Variants in PTPRQ observed in about 807,000 individuals in gnomAD.
PTPRQ encodes protein tyrosine phosphatase receptor type Q, also known as phosphatidylinositol phosphatase PTPRQ.
PTPRQ carries 199 observed loss-of-function variants against 246.0 expected under a neutral mutation model. The observed-to-expected ratio is 0.81, with a 90% CI of 0.72 to 0.91. The LOEUF (loss-of-function observed/expected upper bound fraction) is 0.91, where lower values mean the gene tolerates loss of function less well. Among genes scored for constraint, PTPRQ ranks in the 40% least tolerant of loss-of-function variants. PTPRQ has a pLI of 0.00. For synonymous variants in PTPRQ, 869 were observed against 853.2 expected (o/e 1.02, Z -0.32); for missense variants, 2,624 against 2,528.4 (o/e 1.04, Z -0.81).
chr12:80,477,288 C>A (rs1446042213), intron 8 of PTPRQ, among the ~76,000 whole-genome samples: 1 of 152,088 alleles, frequency 6.6e-6, no homozygotes, highest in African/African-American at 2.4e-5. Context: ...ATTTAACTTA[C>A]CAACTATATT....
At position 80,613,739 on chromosome 12, in the gene PTPRQ, C is replaced by T. The variant is rs1243340940; in HGVS notation, c.5066C>T (p.Ala1689Val). The T allele has an allele frequency of 6.5e-7, 1 of 1,545,864 alleles. No homozygotes were observed. The highest frequency in any genetic ancestry group is 8.7e-7 in the Non-Finnish European group (1 of 1,143,184). Residue 1689 changes from alanine (A) to valine (V), a missense_variant, in exon 29 of 45, where the codon GCT becomes GTT. Ala to Val is a moderately conservative substitution (Grantham distance 64). Transcript: ENST00000644991. ...GTTTACCGAGAAGATGATCCTACTG[C>T]TGTCCAGATTCACAACCTCAGTATT... ...ALVYREDDPT[A>V]VQIHNLSIIQ...
intron 26 of PTPRQ, among the ~76,000 whole-genome samples, chr12:80,602,549 G>C (rs997546232): frequency 6.6e-6 from 1 of 151,708 alleles, no homozygotes; most frequent in Non-Finnish European, 1.5e-5. Context: ...GGAGGAACGC[G>C]TGTCCTCACA....
intron 6 of PTPRQ, among the ~76,000 whole-genome samples, chr12:80,466,567 G>A (rs1893424025): frequency 2.0e-5 from 3 of 152,154 alleles, no homozygotes; most frequent in Non-Finnish European, 2.9e-5. Context: ...TAAGCCAAAA[G>A]AACAAAGCTG....
intron 30 of PTPRQ, among the ~76,000 whole-genome samples, chr12:80,617,324 A>G (rs1898800546): frequency 6.6e-6 from 1 of 151,434 alleles, no homozygotes; most frequent in Non-Finnish European, 1.5e-5. Context: ...ATTCACTGTT[A>G]GATGAAACTG....
chr12:80,606,316 T>C (rs568788246), intron 27 of PTPRQ, among the ~76,000 whole-genome samples: 1 of 151,112 alleles, frequency 6.6e-6, no homozygotes, highest in African/African-American at 2.4e-5. Flanking sequence ...AGATTCACTA[T>C]GGAATGTGCA....
At chr12:80,469,330 T>C (rs1028435982) in intron 7 of PTPRQ, among the ~76,000 whole-genome samples, 2 of 152,122 alleles carry the variant, frequency 1.3e-5, no homozygotes, top group African/African-American at 4.8e-5. Context: ...CCTATTAAAA[T>C]TTTTGGGCAG....
intron 25 of PTPRQ, among the ~76,000 whole-genome samples, chr12:80,576,955 A>G (rs372897398): frequency 1.3e-5 from 2 of 152,036 alleles, no homozygotes; most frequent in Non-Finnish European, 2.9e-5. Flanking sequence ...TTTCTTCGTC[A>G]CTCTCAATGG....
rs1898924512 is a variant in PTPRQ, at chr12:80,620,163, A to T, written c.5399A>T (p.Asp1800Val). ...TTGTTTCTGAAAACAGCTCAGCATG[A>T]TGGAAATGTAACAAAGTGGTATGAT... ...VLVTETGAQH[D>V]GNVTKWYDAY... is the part of the protein sequence containing the mutation. The change falls in exon 32 of 45, where the codon GAT becomes GTT. Residue 1800 changes from aspartate to valine, a missense_variant. Transcript: ENST00000644991. 2 of 1,544,584 alleles carry T rather than the reference A, an allele frequency of 1.3e-6. No homozygotes were observed. Among genetic ancestry groups the T allele is most frequent in the African/African-American group, 1.4e-5 (1 of 72,600 alleles).
intron 17 of PTPRQ, chr12:80,512,537 A>T (rs1046353139): frequency 6.6e-6 from 1 of 152,224 alleles, no homozygotes; most frequent in African/African-American, 2.4e-5. Flanking sequence ...GACAATGTAC[A>T]TTACACCACC....
intron 38 of PTPRQ, among the ~76,000 whole-genome samples, chr12:80,657,516 A>G (rs1186763797): frequency 1.3e-5 from 2 of 151,826 alleles, no homozygotes; most frequent in East Asian, 1.9e-4. Context: ...TATATGCAAT[A>G]TGCAAAAATT....
At chr12:80,475,659 G>GA (rs958764340) in intron 8 of PTPRQ, among the ~76,000 whole-genome samples, 2 of 151,102 alleles carry the variant, frequency 1.3e-5, no homozygotes, top group East Asian at 1.9e-4. Context: ...GCTTAAATAG[G>GA]AAAAAAAAGA....
intron 35 of PTPRQ, among the ~76,000 whole-genome samples, chr12:80,647,824 A>C (rs777731082): frequency 3.3e-5 from 5 of 152,002 alleles, no homozygotes; most frequent in Non-Finnish European, 4.4e-5. Context: ...CTGTTTGGCA[A>C]TGGAATAGTC....
chr12:80,462,127 A>C (rs1398562973), intron 6 of PTPRQ: 6 of 488,336 alleles, frequency 1.2e-5, no homozygotes, highest in Non-Finnish European at 2.2e-5. Flanking sequence ...AAGGGGTGAC[A>C]GATGGCACCT....
At chr12:80,484,352 C>T in intron 8 of PTPRQ, 81 bp from the exon 9 acceptor site, 1 of 1,436,554 alleles carries the variant, frequency 7.0e-7, no homozygotes. Context: ...AAATTGTGAA[C>T]TAAGAATTTA....
chr12:80,620,794 T>G (rs1898953287), intron 32 of PTPRQ, among the ~76,000 whole-genome samples: 1 of 151,878 alleles, frequency 6.6e-6, no homozygotes, highest in Admixed American at 6.6e-5. Flanking sequence ...GTGGCTTCCC[T>G]TTATGTCACT....
At chr12:80,614,221 T>C (rs1898664662) in intron 29 of PTPRQ, among the ~76,000 whole-genome samples, 1 of 150,846 alleles carries the variant, frequency 6.6e-6, no homozygotes, top group African/African-American at 2.4e-5. Flanking sequence ...AAATAATTGT[T>C]TACCTGTTTA....
intron 35 of PTPRQ, among the ~76,000 whole-genome samples, chr12:80,636,796 C>A (rs1899669955): frequency 6.6e-6 from 1 of 152,208 alleles, no homozygotes; most frequent in Admixed American, 6.5e-5. Flanking sequence ...AAAAAGCACT[C>A]TTTTTGTTTA....
rs1412470560 is a variant in PTPRQ at position 80,454,428 on chromosome 12, A to C, written c.391-3147A>C. On this transcript the variant is annotated intron_variant, in intron 3 of 44. Coordinates refer to ENST00000644991, the MANE Select transcript of PTPRQ (RefSeq NM_001145026.2). ...CCTAGTGAGATGAACCCGGTACCTC[A>C]GATGGAAATGCAGAAATGGATGCCT... 593 of 656,710 alleles carry C rather than the reference A, an allele frequency of 9.0e-4. 7 individuals are homozygous for C. The East Asian group carries it at 0.017, about 19-fold the overall frequency. The allele number at this position is 656,710 out of a possible 1,614,324, so 40.7% of individuals were successfully genotyped here.
At chr12:80,478,819 T>A (rs950705607) in intron 8 of PTPRQ, among the ~76,000 whole-genome samples, 2 of 151,814 alleles carry the variant, frequency 1.3e-5, no homozygotes. Context: ...GAAGGGAAGT[T>A]TAGAGAAAAA....
Sources: gnomAD v4.1 joint callset for allele counts (sites outside exome capture counted in the v4.1 genomes callset) on GRCh38, gnomAD v4.1.1 for gene constraint, MANE v1.5 for transcripts, NCBI Gene and HGNC (gene_info 2026-07-23, HGNC 2026-07-21) for gene names.